USH2A: variants seen among roughly 807,000 people sequenced by gnomAD.
USH2A encodes Usher syndrome 2A (autosomal recessive, mild).
USH2A carries 443 observed loss-of-function variants against 538.9 expected under a neutral mutation model. The observed-to-expected ratio is 0.82, with a 90% CI of 0.76 to 0.89. USH2A has a LOEUF of 0.89. Among genes scored for constraint, USH2A ranks in the 40% least tolerant of loss-of-function variants. USH2A has a pLI of 0.00. For synonymous variants in USH2A, 2,413 were observed against 2,273.5 expected (o/e 1.06, Z -1.75); for missense variants, 6,633 against 6,324.8 (o/e 1.05, Z -1.65).
chr1:215,630,011 G>A (rs867495042), intron 70 of USH2A: 2 of 467,374 alleles, frequency 4.3e-6, no homozygotes, highest in Middle Eastern at 5.4e-4. Context: ...TCCTGACCTT[G>A]TGATCCGCCC....
intron 3 of USH2A, among the ~76,000 whole-genome samples, chr1:216,402,788 G>A (rs533959776): frequency 2.0e-5 from 3 of 151,960 alleles, no homozygotes; most frequent in Non-Finnish European, 4.4e-5. Context: ...TAACTCCATC[G>A]GGAGTCAATA....
chr1:216,033,639 T>G (rs184392879), intron 32 of USH2A, among the ~76,000 whole-genome samples: 163 of 152,016 alleles, frequency 1.1e-3, no homozygotes, highest in Admixed American at 3.2e-3. Context: ...TCTCTTGAGC[T>G]CAGGAGTTCA....
chr1:215,987,113 C>T (rs190311596), intron 35 of USH2A, among the ~76,000 whole-genome samples: 5 of 152,096 alleles, frequency 3.3e-5, no homozygotes, highest in African/African-American at 7.2e-5. Context: ...TAGATAATGA[C>T]GAATAAGTTT....
chr1:215,685,061 T>C (rs1658370287), intron 61 of USH2A, among the ~76,000 whole-genome samples: 1 of 152,104 alleles, frequency 6.6e-6, no homozygotes, highest in Non-Finnish European at 1.5e-5. Context: ...AGATTACAAA[T>C]AAAATGTGAG....
chr1:215,712,212 T>G (rs1050762652), intron 61 of USH2A, among the ~76,000 whole-genome samples: 1 of 152,190 alleles, frequency 6.6e-6, no homozygotes, highest in African/African-American at 2.4e-5. Context: ...CCAGTAATAT[T>G]TAGAAAGCTA....
rs181614751 is a variant in USH2A at position 216,189,367 on chromosome 1, G to A, written c.4396+856C>T. Among the ~76,000 whole-genome samples, 485 of 151,940 alleles carry A rather than the reference G, an allele frequency of 3.2e-3. 4 individuals are homozygous for A. The highest frequency in any genetic ancestry group is 0.011 in the African/African-American group (439 of 41,490). On this transcript the variant is annotated intron_variant, in intron 20 of 71. Transcript: ENST00000307340. ...TTTTTACAGGTAAACATGAATTTTC[G>A]TAATATCTGTAATTCATCTAGAGTG... is the stretch of plus-strand genomic sequence containing the variant.
chr1:216,002,880 A>G (rs1315127336), intron 32 of USH2A, among the ~76,000 whole-genome samples: 1 of 152,146 alleles, frequency 6.6e-6, no homozygotes, highest in Non-Finnish European at 1.5e-5. Flanking sequence ...AGGTATCTCA[A>G]GAATGCATCA....
intron 31 of USH2A, 112 bp downstream of exon 31, chr1:216,048,422 C>T (rs1487937435): frequency 6.4e-6 from 7 of 1,095,344 alleles, no homozygotes; most frequent in Non-Finnish European, 8.4e-6. Context: ...TGCACTTTGT[C>T]ATCAAATTAG....
intron 58 of USH2A, among the ~76,000 whole-genome samples, chr1:215,750,198 A>G (rs1460354224): frequency 6.6e-6 from 1 of 152,224 alleles, no homozygotes; most frequent in Non-Finnish European, 1.5e-5. Flanking sequence ...TCTCCACTGT[A>G]TAGGTAGGGA....
At chr1:215,926,152 C>T (rs1053279830) in intron 38 of USH2A, among the ~76,000 whole-genome samples, 2 of 148,250 alleles carry the variant, frequency 1.3e-5, no homozygotes, top group African/African-American at 2.5e-5. Flanking sequence ...TTTGCTCTTT[C>T]GTATATTCTT....
intron 16 of USH2A, among the ~76,000 whole-genome samples, chr1:216,200,454 A>G (rs150207578): frequency 4.6e-5 from 7 of 152,286 alleles, no homozygotes; most frequent in African/African-American, 1.7e-4. Context: ...TGTTTCCTCT[A>G]TGTAACTTGT....
intron 9 of USH2A, among the ~76,000 whole-genome samples, chr1:216,315,389 A>G (rs1313842296): frequency 6.6e-6 from 1 of 152,178 alleles, no homozygotes. Flanking sequence ...GAAATTTTGG[A>G]ACAGGCAAAA....
At chr1:215,923,830 C>G (rs1666164984) in intron 38 of USH2A, among the ~76,000 whole-genome samples, 1 of 151,908 alleles carries the variant, frequency 6.6e-6, no homozygotes, top group African/African-American at 2.4e-5. Context: ...AAAAGGGAGA[C>G]CAGCTGTGAC....
At chr1:215,868,486 C>T (rs1323239589) in intron 43 of USH2A, among the ~76,000 whole-genome samples, 3 of 152,166 alleles carry the variant, frequency 2.0e-5, no homozygotes, top group Non-Finnish European at 2.9e-5. Flanking sequence ...TCTTCTACAC[C>T]TCCCTGCTTT....
At chr1:215,789,889 G>C (rs1268583764) in intron 51 of USH2A, among the ~76,000 whole-genome samples, 170 bp downstream of exon 51, 1 of 152,098 alleles carries the variant, frequency 6.6e-6, no homozygotes, top group Non-Finnish European at 1.5e-5. Flanking sequence ...AGAATTCATT[G>C]CAATAACATC....
At chr1:216,181,057 C>T (rs1014695855) in intron 20 of USH2A, among the ~76,000 whole-genome samples, 1 of 151,990 alleles carries the variant, frequency 6.6e-6, no homozygotes, top group African/African-American at 2.4e-5. Context: ...TATTATCTGA[C>T]CAGGGAAGAA....
intron 9 of USH2A, among the ~76,000 whole-genome samples, chr1:216,311,747 C>T (rs763544331): frequency 2.0e-5 from 3 of 151,908 alleles, no homozygotes; most frequent in East Asian, 1.9e-4. Context: ...TAATGTCATG[C>T]GAGAGTTCCA....
chr1:216,377,604 T>G (rs1297102321), intron 3 of USH2A, among the ~76,000 whole-genome samples: 1 of 151,718 alleles, frequency 6.6e-6, no homozygotes, highest in East Asian at 1.9e-4. Flanking sequence ...TTTTTATCAT[T>G]TATATTTATT....
chr1:215,783,035 A>G, intron 52 of USH2A, 100 bp from the exon 53 acceptor site: 1 of 1,110,508 alleles, frequency 9.0e-7, no homozygotes, highest in Non-Finnish European at 1.3e-6. Context: ...TTAAAAATAA[A>G]TGTTTAATGC....
Sources: gnomAD v4.1 joint callset for allele counts (sites outside exome capture counted in the v4.1 genomes callset) on GRCh38, gnomAD v4.1.1 for gene constraint, MANE v1.5 for transcripts, NCBI Gene and HGNC (gene_info 2026-07-23, HGNC 2026-07-21) for gene names.